Variants in EMID1 observed in about 807,000 individuals in gnomAD.
EMID1 encodes EMI domain containing 1.
EMID1 carries 40 observed loss-of-function variants against 60.6 expected under a neutral mutation model. The ratio of observed to expected loss-of-function variants is 0.66; its 90% CI spans 0.51 to 0.86. EMID1 has a LOEUF of 0.86. Ranked by LOEUF, EMID1 falls within the 40% of genes least tolerant of loss-of-function variation. The pLI, the probability that EMID1 is intolerant of heterozygous loss-of-function variation, is 0.00. For synonymous variants in EMID1, 242 were observed against 231.0 expected (o/e 1.05, Z -0.43); for missense variants, 585 against 597.1 (o/e 0.98, Z 0.21).
rs115798235 is a variant in EMID1 at position 29,217,386 on chromosome 22, T to A, written c.319+1756T>A. Among the ~76,000 whole-genome samples the A allele has an allele frequency of 7.3e-3, 1,105 of 152,338 alleles. 10 individuals carry two copies. Among genetic ancestry groups the A allele is most frequent in the African/African-American group, 0.025 (1,059 of 41,590 alleles). On this transcript the variant is annotated intron_variant, in intron 3 of 14. Coordinates refer to ENST00000334018, the MANE Select transcript of EMID1 (RefSeq NM_133455.4). ...GGGCCTTCAGGTCCCAGCGTGGGTATGGGATATCTGAGGCTTCCTAGGCTG... is the reference window on the plus strand; with the variant it reads ...GGGCCTTCAGGTCCCAGCGTGGGTAAGGGATATCTGAGGCTTCCTAGGCTG...
At chr22:29,220,618 A>C (rs1241648550) in intron 3 of EMID1, among the ~76,000 whole-genome samples, 1 of 151,810 alleles carries the variant, frequency 6.6e-6, no homozygotes, top group Non-Finnish European at 1.5e-5. Flanking sequence ...CAGGGAGAGA[A>C]TGTCATGAAG....
chr22:29,232,614 C>CCCT, intron 8 of EMID1: 6 of 571,214 alleles, frequency 1.1e-5, no homozygotes, highest in Non-Finnish European at 1.5e-5. Flanking sequence ...GCCAGGGTCC[C>CCCT]ACAGCCTGGG....
intron 3 of EMID1, among the ~76,000 whole-genome samples, chr22:29,218,485 G>A (rs1011076834): frequency 5.3e-5 from 8 of 152,242 alleles, no homozygotes; most frequent in Admixed American, 5.2e-4. Context: ...GAGGTCACTC[G>A]GCAGGTGAGA....
intron 3 of EMID1, among the ~76,000 whole-genome samples, chr22:29,216,045 G>A (rs745799147): frequency 1.3e-5 from 2 of 152,162 alleles, no homozygotes; most frequent in Admixed American, 6.5e-5. Context: ...TGAGGAAACC[G>A]AGGCTCAGGA....
Position 29,216,742 on chromosome 22 carries a change from C to G in EMID1, c.319+1112C>G, listed in dbSNP as rs1047952927. 3.5e-6 allele frequency: 3 copies of G among 857,944 alleles called. No homozygotes were observed. In the African/African-American group the frequency reaches 5.5e-5, roughly 16 times the overall value. 53.1% of individuals were successfully genotyped at this position (857,944 alleles called of 1,614,324 possible). On this transcript the variant is annotated intron_variant, in intron 3 of 14. Transcript: ENST00000334018. ...TGAGGTGGAGTGGAGTGCCCAGAGG[C>G]ACACGGCCATGGGGATGGGGTTCAG...
chr22:29,212,209 C>T (rs2039914720), intron 1 of EMID1, among the ~76,000 whole-genome samples: 1 of 151,988 alleles, frequency 6.6e-6, no homozygotes, highest in Non-Finnish European at 1.5e-5. Context: ...TGGTCTCAAA[C>T]TCCTGATCTT....
At position 29,237,642 on chromosome 22, in the gene EMID1, C is replaced by CA. The variant is rs572647681; in HGVS notation, c.1074+3301dup. Among the ~76,000 whole-genome samples, 604 of 142,740 alleles carry CA rather than the reference C, an allele frequency of 4.2e-3. 108 individuals are homozygous for CA. The highest frequency in any genetic ancestry group is 0.015 in the African/African-American group (549 of 36,082). 93.6% of individuals were successfully genotyped at this position (142,740 alleles called of 152,430 possible). A position where few individuals can be genotyped will look rare whatever the true frequency, so the allele number is the denominator to read the frequency against. On this transcript the variant is annotated intron_variant, in intron 12 of 14. Coordinates refer to ENST00000334018, the MANE Select transcript of EMID1 (RefSeq NM_133455.4). ...TGAAACCCCGTCTCTACTAAAAATA[C>CA]AAAAAAAATGTAGCTGGGCGTGCTG...
intron 13 of EMID1, among the ~76,000 whole-genome samples, chr22:29,246,609 TGA>T (rs2041340726): frequency 2.0e-5 from 3 of 152,092 alleles, no homozygotes; most frequent in African/African-American, 7.2e-5. Context: ...GCAAGCAGGC[TGA>T]GTTTTGTCTG....
At chr22:29,220,224 T>C (rs2040240817) in intron 3 of EMID1, among the ~76,000 whole-genome samples, 1 of 152,116 alleles carries the variant, frequency 6.6e-6, no homozygotes, top group Non-Finnish European at 1.5e-5. Flanking sequence ...CACTGGGTGC[T>C]CCCACCTGGC....
In EMID1 at chr22:29,206,165, C is replaced by G. The variant is rs764670254; in HGVS notation, c.101+26C>G. 3.3e-6 allele frequency: 4 copies of G among 1,225,970 alleles called. No homozygotes were observed. The East Asian group carries it at 1.3e-4, about 39-fold the overall frequency. 75.9% of individuals were successfully genotyped at this position (1,225,970 alleles called of 1,614,324 possible). On this transcript the variant is annotated intron_variant, in intron 1 of 14. Transcript: ENST00000334018. ...GTAAGAGCTCCCGGCGCCTTTGCAC[C>G]CCGCTGGCCGAGGGTCCCGGCGCGC...
rs771882370 is a variant in EMID1, at chr22:29,238,990, A to G, written c.1075-4455A>G. 4.2e-4 allele frequency among the ~76,000 whole-genome samples: 60 copies of G among 144,248 alleles called. 5 individuals carry two copies. Among genetic ancestry groups the G allele is most frequent in the Non-Finnish European group, 7.9e-4 (53 of 67,044 alleles). The allele number at this position is 144,248 out of a possible 152,430, so 94.6% of individuals were successfully genotyped here. A position where few individuals can be genotyped will look rare whatever the true frequency, so the allele number is the denominator to read the frequency against. On this transcript the variant is annotated intron_variant, in intron 12 of 14. Transcript: ENST00000334018. ...TTGGGGGGAAAATTCTGTCATTATTACTTCAAATATTGCTTGTGTTTCTTT... is the reference window on the plus strand; with the variant it reads ...TTGGGGGGAAAATTCTGTCATTATTGCTTCAAATATTGCTTGTGTTTCTTT...
At chr22:29,222,480 C>T (rs2040336370) in intron 3 of EMID1, among the ~76,000 whole-genome samples, 1 of 142,274 alleles carries the variant, frequency 7.0e-6, no homozygotes, top group African/African-American at 2.6e-5. Flanking sequence ...TTTCAGCTCA[C>T]TGCAACCTCC....
chr22:29,225,565 C>T (rs376440783), intron 4 of EMID1, among the ~76,000 whole-genome samples: 1 of 152,186 alleles, frequency 6.6e-6, no homozygotes, highest in African/African-American at 2.4e-5. Context: ...ATCAGCAGCT[C>T]GTTTAGACCT....
At chr22:29,251,734 A>G (rs1208388255) in intron 13 of EMID1, among the ~76,000 whole-genome samples, 5 of 151,752 alleles carry the variant, frequency 3.3e-5, no homozygotes, top group Non-Finnish European at 7.4e-5. Context: ...GTGTGATCTC[A>G]GCTCACTGCA....
At chr22:29,211,432 A>G (rs1407003321) in intron 1 of EMID1, among the ~76,000 whole-genome samples, 1 of 151,952 alleles carries the variant, frequency 6.6e-6, no homozygotes, top group African/African-American at 2.4e-5. Context: ...GTGTGTACAT[A>G]TGCCTATGTG....
At chr22:29,221,021 T>C (rs1245220442) in intron 3 of EMID1, among the ~76,000 whole-genome samples, 1 of 143,180 alleles carries the variant, frequency 7.0e-6, no homozygotes, top group African/African-American at 2.6e-5. Context: ...GGAGGTGACA[T>C]GGGTGCAGCA....
Position 29,205,910 on chromosome 22 carries a change from C to T in EMID1, c.-129C>T. 2 of 346,970 alleles carry T rather than the reference C, an allele frequency of 5.8e-6. No individual in the cohort carries two copies. Among genetic ancestry groups the T allele is most frequent in the Non-Finnish European group, 8.1e-6 (2 of 246,782 alleles). The allele number at this position is 346,970 out of a possible 1,614,324, so 21.5% of individuals were successfully genotyped here. ...CCCGCCCGCCCGCCTCCTGCCCGCC[C>T]TCCGGCCGCGGAGCTGGAAACCGGG... On this transcript the variant is annotated 5_prime_UTR_variant, in exon 1 of 15. Transcript: ENST00000334018.
At chr22:29,237,311 G>C (rs1291020698) in intron 12 of EMID1, among the ~76,000 whole-genome samples, 1 of 143,386 alleles carries the variant, frequency 7.0e-6, no homozygotes, top group East Asian at 2.1e-4. Flanking sequence ...CTCCTGAATA[G>C]CTGGGACTAC....
chr22:29,225,255 G>GAGGGAGCCCTGGAGGGGGCTC, intron 4 of EMID1, 39 bp downstream of exon 4: 1 of 1,606,704 alleles, frequency 6.2e-7, no homozygotes, highest in Non-Finnish European at 8.5e-7. Flanking sequence ...CCCCTGGGCT[G>GAGGGAGCCCTGGAGGGGGCTC]AGGGAGCCCT....
Sources: gnomAD v4.1 joint callset for allele counts (sites outside exome capture counted in the v4.1 genomes callset) on GRCh38, gnomAD v4.1.1 for gene constraint, MANE v1.5 for transcripts, NCBI Gene and HGNC (gene_info 2026-07-23, HGNC 2026-07-21) for gene names.